ARID1B: variants seen among roughly 807,000 people sequenced by gnomAD.
The protein encoded by ARID1B is AT-rich interaction domain 1B.
In ARID1B, 30 loss-of-function variants were observed where a neutral mutation model predicts 212.3. The observed-to-expected ratio is 0.14, with a 90% CI of 0.11 to 0.19. The LOEUF (loss-of-function observed/expected upper bound fraction) is 0.19, where lower values mean the gene tolerates loss of function less well. Among genes scored for constraint, ARID1B ranks in the 10% least tolerant of loss-of-function variants. The pLI is 1.00. For missense variants in ARID1B, 2,891 were observed against 3,204.0 expected (o/e 0.90, Z 2.36); for synonymous variants, 1,402 against 1,301.7 (o/e 1.08, Z -1.66).
At position 156,777,717 on chromosome 6, in the gene ARID1B, G is replaced by A. The variant is rs1211283818; in HGVS notation, c.37G>A (p.Ala13Thr). The change falls in exon 1 of 20, where the codon GCG (alanine) becomes ACG (threonine). Residue 13 changes from alanine (A) to threonine (T), a missense_variant. Physicochemically the swap from Ala to Thr is moderately conservative, Grantham distance 58. Around this residue, in one of 7 missense-constraint regions of ARID1B, gnomAD observed 1,643 missense variants for 1,544.0 expected, o/e 1.06. Coordinates refer to ENST00000636930, the MANE Select transcript of ARID1B (RefSeq NM_001374828.1). ...GGCAGCAGCGGCGGCGGCGGCGGCG[G>A]CGGCGCGGGCGCGGGCGCGGGCAGG... Reference protein sequence around the residue: ...ARAAAAAAAAAARARARAGSG... With the variant: ...ARAAAAAAAATARARARAGSG... The A allele has an allele frequency of 2.3e-4, 37 of 158,618 alleles. No individual in the cohort carries two copies. The highest frequency in any genetic ancestry group is 4.3e-4 in the Non-Finnish European group (34 of 78,552). The allele number at this position is 158,618 out of a possible 1,614,324, so 9.8% of individuals were successfully genotyped here.
chr6:156,929,777 T>A (rs1791548573), intron 3 of ARID1B, among the ~76,000 whole-genome samples: 1 of 152,206 alleles, frequency 6.6e-6, no homozygotes, highest in Non-Finnish European at 1.5e-5. Flanking sequence ...TTTGTTGGAT[T>A]TTGCTGGCAT....
At chr6:156,876,160 G>T (rs951361573) in intron 2 of ARID1B, among the ~76,000 whole-genome samples, 6 of 152,188 alleles carry the variant, frequency 3.9e-5, no homozygotes, top group Non-Finnish European at 8.8e-5. Flanking sequence ...ATTATTTAAA[G>T]AAATTTGCCA....
chr6:157,066,285 C>T (rs1404695289), intron 4 of ARID1B, among the ~76,000 whole-genome samples: 1 of 152,310 alleles, frequency 6.6e-6, no homozygotes, highest in South Asian at 2.1e-4. Context: ...AAATCAGTTA[C>T]TCAAGAGTTA....
intron 1 of ARID1B, among the ~76,000 whole-genome samples, chr6:156,817,354 A>G (rs1473091178): frequency 6.6e-6 from 1 of 151,402 alleles, no homozygotes; most frequent in African/African-American, 2.4e-5. Flanking sequence ...TCAAAAAAGC[A>G]GCCTGATGTT....
chr6:156,982,456 T>C, intron 4 of ARID1B, among the ~76,000 whole-genome samples: 1 of 151,218 alleles, frequency 6.6e-6, no homozygotes, highest in Non-Finnish European at 1.5e-5. Context: ...TTCATTGTGC[T>C]GGGCACTAAG....
In ARID1B at chr6:157,059,023, A is replaced by T. The variant is rs575448686; in HGVS notation, c.2248-25639A>T. The stretch of plus-strand genomic sequence containing the variant: ...CACCTTGCCTAGATGTTTCAATGAG[A>T]TGAGTTATAGCCAAAGGTACTTCAG... On this transcript the variant is annotated intron_variant, in intron 4 of 19. Transcript: ENST00000636930. Among the ~76,000 whole-genome samples the T allele has an allele frequency of 1.2e-3, 179 of 151,762 alleles. 2 individuals are homozygous for T. Among genetic ancestry groups the T allele is most frequent in the African/African-American group, 4.1e-3 (170 of 41,354 alleles).
Position 156,829,397 on chromosome 6 carries a change from C to T in ARID1B, c.1962C>T (p.Ala654=), listed in dbSNP as rs752755002. The T allele has an allele frequency of 1.1e-5, 17 of 1,614,110 alleles. No individual in the cohort carries two copies. Among genetic ancestry groups the T allele is most frequent in the East Asian group, 6.7e-5 (3 of 44,884 alleles). Residue 654 remains alanine, a synonymous_variant, in exon 2 of 20, where the codon GCC becomes GCT. Transcript: ENST00000636930. The part of the protein sequence containing the change: ...GIQGRTPGAM[A]GMQYPQQQMP... ...AGGGTCGGACTCCCGGGGCCATGGC[C>T]GGAATGCAGTACCCTCAGCAGCAGG...
At chr6:156,889,141 T>A (rs1297214176) in intron 2 of ARID1B, among the ~76,000 whole-genome samples, 2 of 152,372 alleles carry the variant, frequency 1.3e-5, no homozygotes, top group South Asian at 2.1e-4. Context: ...GTATGAATTA[T>A]TTAACTCTTA....
At chr6:157,191,593 C>G (rs550553679) in intron 15 of ARID1B, among the ~76,000 whole-genome samples, 3 of 152,136 alleles carry the variant, frequency 2.0e-5, no homozygotes, top group Non-Finnish European at 4.4e-5. Context: ...TGATGCCTGC[C>G]GACTCCCAAG....
chr6:157,103,438 C>T (rs1359562767), intron 5 of ARID1B, among the ~76,000 whole-genome samples: 2 of 152,128 alleles, frequency 1.3e-5, no homozygotes, highest in African/African-American at 4.8e-5. Flanking sequence ...TGTAAAAAAT[C>T]GTAGAACGTG....
chr6:157,207,133 G>C lies in ARID1B; in HGVS notation c.6361G>C (p.Glu2121Gln). The part of the protein sequence containing the change: ...RKRAPQTYEK[E>Q]EDEDKGVACS... ...GCGAGCACCGCAGACCTATGAGAAA[G>C]AGGAGGATGAGGACAAGGGGGTGGC... is the stretch of plus-strand genomic sequence containing the variant. Residue 2121 changes from glutamate to glutamine, a missense_variant, in exon 20 of 20, where the codon GAG becomes CAG. Glu to Gln is a conservative substitution (Grantham distance 29). Around this residue, in one of 7 missense-constraint regions of ARID1B, gnomAD observed 41 missense variants for 40.4 expected, o/e 1.01. Transcript: ENST00000636930. This position sits in a 1 kb window ranked among gnomAD's most constrained non-coding sequence, Gnocchi z 8.5. 6.2e-7 allele frequency: 1 copy of C among 1,614,244 alleles called. No homozygotes were observed. Among genetic ancestry groups the C allele is most frequent in the Non-Finnish European group, 8.5e-7 (1 of 1,180,046 alleles).
Position 156,962,534 on chromosome 6 carries a change from A to G in ARID1B, c.2247+26958A>G, listed in dbSNP as rs566113632. ...ACCCAGGCTGGAGTGCGGTAGCACA[A>G]TCACAGCTTAATCACAGCACAATCA... is the stretch of plus-strand genomic sequence containing the variant. On this transcript the variant is annotated intron_variant, in intron 4 of 19. Transcript: ENST00000636930. Among the ~76,000 whole-genome samples the G allele has an allele frequency of 8.1e-4, 123 of 152,288 alleles. 1 individual carries two copies. The highest frequency in any genetic ancestry group is 3.5e-4 in the Non-Finnish European group (24 of 68,010).
intron 4 of ARID1B, among the ~76,000 whole-genome samples, chr6:156,969,235 G>A (rs1776750659): frequency 6.6e-6 from 1 of 152,190 alleles, no homozygotes; most frequent in South Asian, 2.1e-4. Flanking sequence ...CAGGAGATTT[G>A]TGTTTGTGTG....
At chr6:157,123,786 G>A (rs1787942917) in intron 6 of ARID1B, among the ~76,000 whole-genome samples, 1 of 152,242 alleles carries the variant, frequency 6.6e-6, no homozygotes, top group South Asian at 2.1e-4. Context: ...TGCAAGCACT[G>A]AGCTGTGTGC....
chr6:157,176,167 C>T lies in ARID1B; in HGVS notation c.3504+1162C>T, dbSNP rs141970636. Among the ~76,000 whole-genome samples the T allele has an allele frequency of 5.6e-3, 848 of 151,690 alleles. 9 individuals carry two copies. The highest frequency in any genetic ancestry group is 0.02 in the African/African-American group (800 of 40,972). ...TTTTCCCTTTCAGAGGAGGAAAGGG[C>T]GATATTCGCTCTTACCTTCTCTGTA... On this transcript the variant is annotated intron_variant, in intron 11 of 19. Coordinates refer to ENST00000636930, the MANE Select transcript of ARID1B (RefSeq NM_001374828.1).
chr6:157,086,574 A>G (rs779558377), intron 5 of ARID1B, among the ~76,000 whole-genome samples: 1 of 152,258 alleles, frequency 6.6e-6, no homozygotes, highest in Non-Finnish European at 1.5e-5. Context: ...GTATAAAGAT[A>G]TAATGCTTTT....
intron 2 of ARID1B, among the ~76,000 whole-genome samples, chr6:156,846,740 A>G (rs1047611328): frequency 7.2e-5 from 11 of 152,118 alleles, no homozygotes; most frequent in Non-Finnish European, 1.5e-4. Context: ...CCCGTTTTCC[A>G]TGGACTCGCC....
chr6:156,969,827 A>G (rs1325223581), intron 4 of ARID1B, among the ~76,000 whole-genome samples: 1 of 152,124 alleles, frequency 6.6e-6, no homozygotes, highest in East Asian at 1.9e-4. Context: ...ACTGTCTAGT[A>G]ACTTAGAAGG....
intron 2 of ARID1B, 199 bp downstream of exon 2, chr6:156,829,620 G>C (rs1783004547): frequency 6.9e-6 from 4 of 583,466 alleles, no homozygotes; most frequent in Non-Finnish European, 1.1e-5. Flanking sequence ...AAAGTGGACA[G>C]AATACCTGTT....
Sources: allele counts gnomAD v4.1 joint callset (sites outside exome capture counted in the v4.1 genomes callset), GRCh38; gene constraint gnomAD v4.1.1; regional missense constraint gnomAD v4.1.1; non-coding constraint Gnocchi (gnomAD v3.1); transcripts MANE v1.5; gene names NCBI Gene and HGNC (gene_info 2026-07-23, HGNC 2026-07-21).